VARS1: variants seen among roughly 807,000 people sequenced by gnomAD.
VARS1 encodes valyl-tRNA synthetase 1, also known as valine--tRNA ligase.
Under a neutral mutation model 161.0 loss-of-function variants are expected in VARS1, and 92 were observed. That is an observed-to-expected ratio of 0.57 (90% CI 0.48 to 0.68). The LOEUF (loss-of-function observed/expected upper bound fraction) is 0.68. Ranked by LOEUF, VARS1 falls within the 30% of genes least tolerant of loss-of-function variation. VARS1 has a pLI of 0.00. For missense variants in VARS1, 1,338 were observed against 1,695.9 expected, an observed-to-expected ratio of 0.79 and a Z score of 3.71; for synonymous variants, 595 against 682.5, an observed-to-expected ratio of 0.87 and a Z score of 2.00.
intron 2 of VARS1, among the ~76,000 whole-genome samples, chr6:31,794,482 A>G (rs1359544585): frequency 6.6e-6 from 1 of 152,104 alleles, no homozygotes; most frequent in Non-Finnish European, 1.5e-5. Context: ...GTCTTTTCCT[A>G]CAATTCAAAT....
In VARS1 at chr6:31,779,578, T is replaced by G. The variant is rs754935352; in HGVS notation, c.3288+30A>C. 1.9e-6 allele frequency: 3 copies of G among 1,611,268 alleles called. No homozygotes were observed. In the South Asian group the frequency reaches 3.3e-5, roughly 18 times the overall value. ...GGGGTGAGGGGGCCTGGAGGGCAGG[T>G]CAGACTCCCCTCTCCAGGCCATGCC... On this transcript the variant is annotated intron_variant, in intron 27 of 29. Transcript: ENST00000375663. The surrounding 1 kb of genome is among the most constrained non-coding windows in gnomAD (Gnocchi z 9.1).
Position 31,780,698 on chromosome 6 carries a change from G to T in VARS1, c.2797+7C>A, listed in dbSNP as rs762273384. On this transcript the variant is annotated splice_region_variant and intron_variant, in intron 24 of 29. Coordinates refer to ENST00000375663, the MANE Select transcript of VARS1 (RefSeq NM_006295.3). This position sits in a 1 kb window ranked among gnomAD's most constrained non-coding sequence, Gnocchi z 5.1. ...AGTGGCTGGGAGGGACGCTTTGGGG[G>T]CCATACCCTGGGACATGTAGGCACA... 3.7e-6 allele frequency: 6 copies of T among 1,614,108 alleles called. No individual in the cohort carries two copies. The Admixed American group carries it at 1.0e-4, about 27-fold the overall frequency.
intron 8 of VARS1, among the ~76,000 whole-genome samples, chr6:31,786,313 G>C (rs1813501919): frequency 6.6e-6 from 1 of 151,782 alleles, no homozygotes; most frequent in Non-Finnish European, 1.5e-5. Flanking sequence ...TGGAACCCTT[G>C]TGATTCTAAA....
chr6:31,790,354 C>T (rs1813788898), intron 8 of VARS1, among the ~76,000 whole-genome samples: 1 of 151,946 alleles, frequency 6.6e-6, no homozygotes, highest in Non-Finnish European at 1.5e-5. Context: ...GTAATCCCAG[C>T]ACTTTGGGAG....
Position 31,780,766 on chromosome 6 carries a change from C to A in VARS1, c.2736G>T (p.Ala912=), listed in dbSNP as rs769688945. 6.2e-7 allele frequency: 1 copy of A among 1,614,208 alleles called. No individual in the cohort carries two copies. Residue 912 remains alanine (A), a synonymous_variant, in exon 24 of 30, where the codon GCG becomes GCT. Coordinates refer to ENST00000375663, the MANE Select transcript of VARS1 (RefSeq NM_006295.3). This position sits in a 1 kb window ranked among gnomAD's most constrained non-coding sequence, Gnocchi z 5.1. Reference sequence around the variant, plus strand: ...CATCGGTGCCACATTCAGGAATCCCCGCTGGGAAGTCAGCTTTCTACAGGG... The same window carrying A: ...CATCGGTGCCACATTCAGGAATCCCAGCTGGGAAGTCAGCTTTCTACAGGG... The part of the protein sequence containing the change: ...AKEGQKADFP[A]GIPECGTDAL...
Position 31,782,348 on chromosome 6 carries a change from C to T in VARS1, c.2087G>A (p.Gly696Asp). The T allele has an allele frequency of 6.2e-7, 1 of 1,612,868 alleles. No individual in the cohort carries two copies. The change falls in exon 17 of 30, where the codon GGT (glycine) becomes GAT (aspartate). Residue 696 changes from glycine (G) to aspartate (D), a missense_variant. Transcript: ENST00000375663. This position sits in a 1 kb window ranked among gnomAD's most constrained non-coding sequence, Gnocchi z 8.3. ...AQAASAAVTR[G>D]DLRILPEAHQ... ...GGCCTCAGGCAGGATGCGGAGGTCACCCCGAGTCACAGCGGCGCTGGCAGC... is the reference window on the plus strand; with the variant it reads ...GGCCTCAGGCAGGATGCGGAGGTCATCCCGAGTCACAGCGGCGCTGGCAGC...
In VARS1 at chr6:31,792,823, C is replaced by T; in HGVS notation, c.595G>A (p.Glu199Lys). 1 of 1,614,200 alleles carries T rather than the reference C, an allele frequency of 6.2e-7. No homozygotes were observed. Among genetic ancestry groups the T allele is most frequent in the South Asian group, 1.1e-5 (1 of 91,086 alleles). Reference protein sequence around the residue: ...RWFVTCVRQPEFRAVLGEVVL... With the variant: ...RWFVTCVRQPKFRAVLGEVVL... ...ACTTCTCCTAGCACGGCTCGGAATT[C>T]TGGCTGCCGGACACACGTGACAAAC... is the stretch of plus-strand genomic sequence containing the variant. Residue 199 changes from glutamate to lysine, a missense_variant, in exon 4 of 30, where the codon GAA (glutamate) becomes AAA (lysine). By Grantham distance (56) the Glu-to-Lys change is moderately conservative (BLOSUM62 1). This residue lies in a region of VARS1 where 902 missense variants were observed against 1,090.3 expected (regional missense o/e 0.83). Transcript: ENST00000375663.
chr6:31,777,759 T>C lies in VARS1; in HGVS notation c.3727-97A>G. The C allele has an allele frequency of 1.4e-6, 2 of 1,438,406 alleles. No homozygotes were observed. Among genetic ancestry groups the C allele is most frequent in the East Asian group, 2.5e-5 (1 of 40,424 alleles). 89.1% of individuals were successfully genotyped at this position (1,438,406 alleles called of 1,614,324 possible). A position where few individuals can be genotyped will look rare whatever the true frequency, so the allele number is the denominator to read the frequency against. ...AAGTTGGAAAGATGAGCGAGGACCA[T>C]GGGAGGTCAGTAGCTCAGAGGAGGC... is the stretch of plus-strand genomic sequence containing the variant. On this transcript the variant is annotated intron_variant, in intron 29 of 29. Coordinates refer to ENST00000375663, the MANE Select transcript of VARS1 (RefSeq NM_006295.3). The surrounding 1 kb of genome is among the most constrained non-coding windows in gnomAD (Gnocchi z 5.8).
intron 8 of VARS1, among the ~76,000 whole-genome samples, chr6:31,786,315 G>A (rs1209591869): frequency 6.6e-6 from 1 of 151,740 alleles, no homozygotes; most frequent in African/African-American, 2.4e-5. Context: ...GAACCCTTGT[G>A]ATTCTAAAGC....
At position 31,783,084 on chromosome 6, in the gene VARS1, C is replaced by A. The variant is rs1370126519; in HGVS notation, c.1762+12G>T. The A allele has an allele frequency of 6.2e-7, 1 of 1,611,888 alleles. No individual in the cohort carries two copies. Among genetic ancestry groups the A allele is most frequent in the Non-Finnish European group, 8.5e-7 (1 of 1,179,540 alleles). ...TCTTTTCCTCTCCCCACAGGACCAG[C>A]CCCTTGCCCACCTGTGCCAAAGTCC... On this transcript the variant is annotated intron_variant, in intron 14 of 29. Transcript: ENST00000375663.
chr6:31,795,432 G>A lies in VARS1; in HGVS notation c.-34+114C>T. On this transcript the variant is annotated intron_variant, in intron 1 of 29. Coordinates refer to ENST00000375663, the MANE Select transcript of VARS1 (RefSeq NM_006295.3). The surrounding 1 kb of genome is among the most constrained non-coding windows in gnomAD (Gnocchi z 6.9). ...GCTCTCAGAGGGGCAGTGTCAGTGG[G>A]GAGTTCCTGGGGAAGAGGAACTATC... 2.5e-6 allele frequency: 1 copy of A among 402,276 alleles called. No individual in the cohort carries two copies. The highest frequency in any genetic ancestry group is 4.4e-6 in the Non-Finnish European group (1 of 229,816). 24.9% of individuals were successfully genotyped at this position (402,276 alleles called of 1,614,324 possible).
At chr6:31,793,244 T>C (rs1814013454) in intron 2 of VARS1, 124 bp from the exon 3 acceptor site, 1 of 1,295,384 alleles carries the variant, frequency 7.7e-7, no homozygotes, top group East Asian at 2.5e-5. Context: ...TCCCATTTCT[T>C]CACTCAAATA....
chr6:31,779,493 G>C lies in VARS1; in HGVS notation c.3332C>G (p.Ala1111Gly). ...DPEAEAALEL[A>G]LSITRAVRSL... Reference sequence around the variant, plus strand: ...GCGCACGGCTCGCGTGATGCTTAGCGCCAGCTCAAGGGCGGCTTCTGCCTC... The same window carrying C: ...GCGCACGGCTCGCGTGATGCTTAGCCCCAGCTCAAGGGCGGCTTCTGCCTC... The change falls in exon 28 of 30, where the codon GCG becomes GGG. Residue 1111 changes from alanine (A) to glycine (G), a missense_variant. By Grantham distance (60) the Ala-to-Gly change is moderately conservative. This residue lies in a region of VARS1 where 433 missense variants were observed against 586.2 expected (regional missense o/e 0.74). Coordinates refer to ENST00000375663, the MANE Select transcript of VARS1 (RefSeq NM_006295.3). The surrounding 1 kb of genome is among the most constrained non-coding windows in gnomAD (Gnocchi z 9.1). 6.2e-7 allele frequency: 1 copy of C among 1,612,816 alleles called. No homozygotes were observed. Among genetic ancestry groups the C allele is most frequent in the Non-Finnish European group, 8.5e-7 (1 of 1,179,998 alleles).
In VARS1 at chr6:31,785,514, G is replaced by T; in HGVS notation, c.1265+55C>A. 1 of 1,540,794 alleles carries T rather than the reference G, an allele frequency of 6.5e-7. No individual in the cohort carries two copies. Among genetic ancestry groups the T allele is most frequent in the East Asian group, 2.4e-5 (1 of 42,038 alleles). ...GGGTTACAGGTGACAGAGGTCTTCT[G>T]GATAGGGGACAGGGAGGCAGGGCTG... On this transcript the variant is annotated intron_variant, in intron 9 of 29. Transcript: ENST00000375663. This position sits in a 1 kb window ranked among gnomAD's most constrained non-coding sequence, Gnocchi z 6.1.
chr6:31,781,952 C>T lies in VARS1; in HGVS notation c.2242G>A (p.Asp748Asn). ...CTCACCCAGTACCGCCCATCAGGGT[C>T]CTGCCACAGGTGCAGTGATTACCCA... Reference protein sequence around the residue: ...VSDPAVPPGEDPDGRYWVSGR... With the variant: ...VSDPAVPPGENPDGRYWVSGR... The change falls in exon 19 of 30, where the codon GAC (aspartate) becomes AAC (asparagine). Residue 748 changes from aspartate to asparagine, a missense_variant and splice_region_variant. Transcript: ENST00000375663. This position sits in a 1 kb window ranked among gnomAD's most constrained non-coding sequence, Gnocchi z 6.8. 1.9e-6 allele frequency: 3 copies of T among 1,613,082 alleles called. No homozygotes were observed. The South Asian group carries it at 3.3e-5, about 18-fold the overall frequency.
chr6:31,792,344 C>T, intron 5 of VARS1, 43 bp from the exon 6 acceptor site: 1 of 1,613,932 alleles, frequency 6.2e-7, no homozygotes, highest in South Asian at 1.1e-5. Flanking sequence ...ATCAGCCAAC[C>T]CATCACCGCA....
Position 31,782,007 on chromosome 6 carries a change from GC to G in VARS1, c.2242-56del. The G allele has an allele frequency of 6.2e-7, 1 of 1,612,264 alleles. No homozygotes were observed. The highest frequency in any genetic ancestry group is 1.7e-5 in the Admixed American group (1 of 59,980). On this transcript the variant is annotated intron_variant, in intron 18 of 29. Coordinates refer to ENST00000375663, the MANE Select transcript of VARS1 (RefSeq NM_006295.3). The surrounding 1 kb of genome is among the most constrained non-coding windows in gnomAD (Gnocchi z 8.3). Reference sequence around the variant, plus strand: ...GGTGTGTCTGCTTCTGGCTCACCCTGCCCCTCCCCCCACCAAGGACCCAGTA... The same window carrying G: ...GGTGTGTCTGCTTCTGGCTCACCCTGCCCTCCCCCCACCAAGGACCCAGTA...
chr6:31,782,454 A>G lies in VARS1; in HGVS notation c.1992-11T>C, dbSNP rs961469076. ...ACGTCCTTCGACCGGCTGGGGGTACACGTAGGTGAGAAGGCCAGGCGGTAA... is the reference window on the plus strand; with the variant it reads ...ACGTCCTTCGACCGGCTGGGGGTACGCGTAGGTGAGAAGGCCAGGCGGTAA... On this transcript the variant is annotated splice_polypyrimidine_tract_variant and intron_variant, in intron 16 of 29. Coordinates refer to ENST00000375663, the MANE Select transcript of VARS1 (RefSeq NM_006295.3). The surrounding 1 kb of genome is among the most constrained non-coding windows in gnomAD (Gnocchi z 8.3). 6.2e-7 allele frequency: 1 copy of G among 1,612,082 alleles called. No homozygotes were observed. Among genetic ancestry groups the G allele is most frequent in the African/African-American group, 1.3e-5 (1 of 75,026 alleles).
At chr6:31,788,652 ACAAAAAATT>A (rs1365922883) in intron 8 of VARS1, among the ~76,000 whole-genome samples, 3 of 149,758 alleles carry the variant, frequency 2.0e-5, no homozygotes, top group Non-Finnish European at 4.4e-5. Flanking sequence ...TAAAAAAAAT[ACAAAAAATT>A]AGCCAGGCGT....
Sources: allele counts gnomAD v4.1 joint callset (sites outside exome capture counted in the v4.1 genomes callset), GRCh38; gene constraint gnomAD v4.1.1; regional missense constraint gnomAD v4.1.1; non-coding constraint Gnocchi (gnomAD v3.1); transcripts MANE v1.5; gene names NCBI Gene and HGNC (gene_info 2026-07-23, HGNC 2026-07-21).